The following NFIA variants were observed in gnomAD, a reference collection of about 807,000 sequenced individuals.
The protein encoded by NFIA is nuclear factor I A, also known as nuclear factor 1 A-type.
In NFIA, 8 loss-of-function variants were observed where a neutral mutation model predicts 62.8. The observed-to-expected ratio is 0.13, with a 90% CI of 0.07 to 0.23. NFIA has a LOEUF of 0.23. Among genes scored for constraint, NFIA ranks in the 10% least tolerant of loss-of-function variants. The probability of loss-of-function intolerance (pLI) is 1.00; values close to 1 mark genes in which losing one functional copy is unlikely to be tolerated. For synonymous variants in NFIA, 235 were observed against 238.1 expected (o/e 0.99, Z 0.12); for missense variants, 410 against 642.1 (o/e 0.64, Z 3.91).
intron 4 of NFIA, among the ~76,000 whole-genome samples, chr1:61,345,270 G>C (rs1332740818): frequency 6.6e-6 from 1 of 152,168 alleles, no homozygotes; most frequent in African/African-American, 2.4e-5. Context: ...ATAGAATTCT[G>C]AGTTTCATTT....
At chr1:61,428,330 C>T (rs934119911) in intron 10 of NFIA, among the ~76,000 whole-genome samples, 3 of 151,944 alleles carry the variant, frequency 2.0e-5, no homozygotes, top group Admixed American at 6.6e-5. Flanking sequence ...AGATTTTCCA[C>T]GCATCTGGAT....
chr1:61,191,811 A>C (rs376484815), intron 2 of NFIA, among the ~76,000 whole-genome samples: 5 of 151,002 alleles, frequency 3.3e-5, no homozygotes, highest in Non-Finnish European at 7.4e-5. Flanking sequence ...AAAAACCATA[A>C]ATTTTCTTCT....
intron 2 of NFIA, among the ~76,000 whole-genome samples, chr1:61,128,742 C>T (rs565844223): frequency 6.6e-5 from 10 of 152,026 alleles, no homozygotes; most frequent in African/African-American, 2.4e-4. Flanking sequence ...ATGAAATGGA[C>T]ATTAATGATT....
At chr1:61,382,329 A>G (rs1664462880) in intron 6 of NFIA, among the ~76,000 whole-genome samples, 1 of 152,212 alleles carries the variant, frequency 6.6e-6, no homozygotes, top group Non-Finnish European at 1.5e-5. Context: ...TATGCTGGAA[A>G]TGCTGTGAAA....
intron 3 of NFIA, among the ~76,000 whole-genome samples, chr1:61,304,878 C>G (rs997424059): frequency 6.6e-6 from 1 of 152,266 alleles, no homozygotes; most frequent in Admixed American, 6.5e-5. Context: ...CAACCTTGCT[C>G]AAGTCTCTTA....
At chr1:61,239,671 C>T (rs1305746320) in intron 2 of NFIA, among the ~76,000 whole-genome samples, 1 of 152,076 alleles carries the variant, frequency 6.6e-6, no homozygotes, top group Non-Finnish European at 1.5e-5. Flanking sequence ...TGTGTTGAAA[C>T]AGCATCTTAT....
At chr1:61,174,919 A>T (rs1010295304) in intron 2 of NFIA, among the ~76,000 whole-genome samples, 10 of 152,160 alleles carry the variant, frequency 6.6e-5, no homozygotes, top group African/African-American at 1.9e-4. Context: ...TTTATTTGGG[A>T]AGAATCCTGG....
chr1:61,189,246 G>GC (rs1557624577), intron 2 of NFIA, among the ~76,000 whole-genome samples: 4 of 152,172 alleles, frequency 2.6e-5, no homozygotes, highest in African/African-American at 9.7e-5. Context: ...GAAGATTAGA[G>GC]TGTGGAGCTG....
intron 6 of NFIA, among the ~76,000 whole-genome samples, chr1:61,363,919 G>C (rs571439044): frequency 6.7e-6 from 1 of 148,914 alleles, no homozygotes; most frequent in African/African-American, 2.5e-5. Flanking sequence ...TCACAACACT[G>C]TTTTGCTTTC....
chr1:61,375,932 TG>T lies in NFIA; in HGVS notation c.947-7304del, dbSNP rs1286204695. Among the ~76,000 whole-genome samples the T allele has an allele frequency of 2.0e-5, 3 of 152,176 alleles. No homozygotes were observed. In the East Asian group the frequency reaches 5.8e-4, roughly 29 times the overall value. On this transcript the variant is annotated intron_variant, in intron 6 of 10. Transcript: ENST00000403491. ...ATAAACCATGCTATCCTGTCTTCTA[TG>T]TGCCTCACTCTCCTGGAACTCACTT...
At chr1:61,305,953 T>C (rs1413897899) in intron 3 of NFIA, among the ~76,000 whole-genome samples, 1 of 150,352 alleles carries the variant, frequency 6.7e-6, no homozygotes, top group Non-Finnish European at 1.5e-5. Flanking sequence ...GTTCACACCA[T>C]TCTCCTGCAT....
chr1:61,268,959 C>T (rs1657346449), intron 2 of NFIA, among the ~76,000 whole-genome samples: 3 of 152,164 alleles, frequency 2.0e-5, no homozygotes, highest in African/African-American at 7.2e-5. Flanking sequence ...TGAACCCGTG[C>T]TCCCTCCCTT....
At chr1:61,391,265 G>A (rs1244907371) in intron 7 of NFIA, among the ~76,000 whole-genome samples, 2 of 151,974 alleles carry the variant, frequency 1.3e-5, no homozygotes, top group African/African-American at 4.8e-5. Context: ...GTCTCACTGT[G>A]TTACCTAGGC....
chr1:61,232,519 A>G (rs1386250283), intron 2 of NFIA, among the ~76,000 whole-genome samples: 1 of 152,190 alleles, frequency 6.6e-6, no homozygotes, highest in Non-Finnish European at 1.5e-5. Flanking sequence ...ACTGTACCAC[A>G]TCATCCAGTA....
intron 3 of NFIA, among the ~76,000 whole-genome samples, chr1:61,329,381 ATTTTTTTTT>A (rs58955783): frequency 8.3e-6 from 1 of 119,874 alleles, no homozygotes; most frequent in Non-Finnish European, 1.8e-5. Flanking sequence ...TTTTAAAGTA[ATTTTTTTTT>A]TTTTTTTTTT....
At chr1:61,147,826 G>T (rs534971520) in intron 2 of NFIA, among the ~76,000 whole-genome samples, 3 of 152,144 alleles carry the variant, frequency 2.0e-5, no homozygotes. Context: ...GTAGCTTGGT[G>T]TGAGGGCTGA....
intron 2 of NFIA, among the ~76,000 whole-genome samples, chr1:61,150,722 T>G (rs1235847134): frequency 6.6e-6 from 1 of 152,178 alleles, no homozygotes; most frequent in Non-Finnish European, 1.5e-5. Flanking sequence ...GCGCCTGCTT[T>G]CTTCTCAAAG....
At chr1:61,136,105 TCTTA>T (rs773153761) in intron 2 of NFIA, among the ~76,000 whole-genome samples, 2 of 152,228 alleles carry the variant, frequency 1.3e-5, no homozygotes, top group African/African-American at 2.4e-5. Context: ...GGAAACCTGA[TCTTA>T]CTTATGTCTG....
rs375967551 is a variant in NFIA at position 61,340,469 on chromosome 1, T to C, written c.700+7883T>C. Among the ~76,000 whole-genome samples the C allele has an allele frequency of 5.3e-5, 8 of 152,306 alleles. No homozygotes were observed. The South Asian group carries it at 1.5e-3, about 28-fold the overall frequency. On this transcript the variant is annotated intron_variant, in intron 4 of 10. Coordinates refer to ENST00000403491, the MANE Select transcript of NFIA (RefSeq NM_001134673.4). ...TACAATCATTTATTCATTGAGCAAA[T>C]GTTTATGAAGTCCTAACTGTGTGCT...
Sources: allele counts gnomAD v4.1 joint callset (sites outside exome capture counted in the v4.1 genomes callset), GRCh38; gene constraint gnomAD v4.1.1; transcripts MANE v1.5; gene names NCBI Gene and HGNC (gene_info 2026-07-23, HGNC 2026-07-21).